Variants in PRMT9 observed in about 807,000 individuals in gnomAD.
PRMT9 encodes the protein protein arginine N-methyltransferase 9.
PRMT9 carries 59 observed loss-of-function variants against 83.2 expected under a neutral mutation model. The observed-to-expected ratio is 0.71, with a 90% CI of 0.57 to 0.88. The LOEUF (loss-of-function observed/expected upper bound fraction) is 0.88. PRMT9 is among the 40% of genes least tolerant of loss of function. The pLI is 0.00. For synonymous variants in PRMT9, 333 were observed against 353.2 expected (o/e 0.94, Z 0.64); for missense variants, 947 against 1,021.9 (o/e 0.93, Z 1.00).
chr4:147,658,659 A>G (rs531344773), intron 7 of PRMT9, among the ~76,000 whole-genome samples: 15 of 152,342 alleles, frequency 9.8e-5, no homozygotes, highest in Non-Finnish European at 1.5e-4. Flanking sequence ...GTTACTTGCT[A>G]TTGAAAGTCG....
At position 147,653,373 on chromosome 4, in the gene PRMT9, C is replaced by T. The variant is rs560939040; in HGVS notation, c.2045+479G>A. On this transcript the variant is annotated intron_variant, in intron 9 of 11. Transcript: ENST00000322396. The stretch of plus-strand genomic sequence containing the variant: ...AGGAGAATCGTTTGAACCCAGGAGG[C>T]GGAGGTTGCAGTGAGCCGAGATTGA... 1.7e-4 allele frequency among the ~76,000 whole-genome samples: 26 copies of T among 151,340 alleles called. No homozygotes were observed. The South Asian group carries it at 4.6e-3, about 27-fold the overall frequency.
At chr4:147,638,836 T>G (rs1436817323) in intron 11 of PRMT9, 89 bp from the exon 12 acceptor site, 1 of 1,361,438 alleles carries the variant, frequency 7.3e-7, no homozygotes, top group Non-Finnish European at 1.0e-6. Context: ...ATACAAAAAT[T>G]TAAAATACAT....
chr4:147,659,664 G>A (rs763633012), intron 7 of PRMT9, among the ~76,000 whole-genome samples: 5 of 137,610 alleles, frequency 3.6e-5, no homozygotes, highest in African/African-American at 1.1e-4. Context: ...TGCAAACTCC[G>A]CCTCCTGGGT....
Position 147,660,986 on chromosome 4 carries a change from G to T in PRMT9, c.1006C>A (p.Gln336Lys). ...GIHLPTNVKFQSPAYSSVDTE... is the reference protein window; with the variant it reads ...GIHLPTNVKFKSPAYSSVDTE... ...TCTACAGAAGAATAAGCCGGACTCT[G>T]AAATTTCACATTTGTTGGCAAATGG... The change falls in exon 7 of 12, where the codon CAG becomes AAG. Residue 336 changes from glutamine to lysine, a missense_variant. By Grantham distance (53) the Gln-to-Lys change is moderately conservative (BLOSUM62 1). Coordinates refer to ENST00000322396, the MANE Select transcript of PRMT9 (RefSeq NM_138364.4). 1 of 1,613,214 alleles carries T rather than the reference G, an allele frequency of 6.2e-7. No individual in the cohort carries two copies.
At chr4:147,638,856 T>C (rs1733186741) in intron 11 of PRMT9, 104 bp downstream of exon 11, 2 of 1,373,214 alleles carry the variant, frequency 1.5e-6, no homozygotes, top group South Asian at 2.5e-5. Context: ...TTTCACTAGA[T>C]TTAAATCTTT....
chr4:147,648,987 G>A (rs920502959), intron 9 of PRMT9, among the ~76,000 whole-genome samples: 10 of 152,026 alleles, frequency 6.6e-5, no homozygotes, highest in African/African-American at 2.4e-4. Context: ...CAACTGCTAG[G>A]CTCCTCAGAA....
intron 4 of PRMT9, among the ~76,000 whole-genome samples, chr4:147,670,966 G>C (rs1735687554): frequency 6.6e-6 from 1 of 151,982 alleles, no homozygotes; most frequent in African/African-American, 2.4e-5. Flanking sequence ...CCTTGGTTTG[G>C]AAGATGGAGG....
intron 9 of PRMT9, among the ~76,000 whole-genome samples, chr4:147,650,849 T>C (rs1315774194): frequency 6.6e-6 from 1 of 152,068 alleles, no homozygotes; most frequent in Non-Finnish European, 1.5e-5. Context: ...ATGCCTGTAA[T>C]CCCAGCACTT....
At chr4:147,666,315 C>T (rs1484482465) in intron 6 of PRMT9, among the ~76,000 whole-genome samples, 1 of 152,122 alleles carries the variant, frequency 6.6e-6, no homozygotes, top group East Asian at 1.9e-4. Flanking sequence ...TGTTCTGTGG[C>T]TTCTGGGCCC....
intron 1 of PRMT9, among the ~76,000 whole-genome samples, chr4:147,682,212 T>G (rs1281934581): frequency 6.6e-6 from 1 of 151,208 alleles, no homozygotes; most frequent in Non-Finnish European, 1.5e-5. Flanking sequence ...AGAGTTTCGC[T>G]CTTGTTGCCC....
chr4:147,676,700 T>C (rs927965856), intron 2 of PRMT9, among the ~76,000 whole-genome samples: 7 of 152,214 alleles, frequency 4.6e-5, no homozygotes, highest in Non-Finnish European at 8.8e-5. Context: ...TGAGACTAGC[T>C]AATAAAGTTT....
intron 6 of PRMT9, 67 bp downstream of exon 6, chr4:147,668,472 T>C: frequency 1.0e-6 from 1 of 967,546 alleles, no homozygotes. Context: ...TAAACCTCTT[T>C]CCTTTATAAA....
intron 7 of PRMT9, among the ~76,000 whole-genome samples, chr4:147,659,120 A>C (rs1734749487): frequency 6.6e-6 from 1 of 151,574 alleles, no homozygotes; most frequent in Non-Finnish European, 1.5e-5. Flanking sequence ...TGGAGCTTGC[A>C]GTGAGCCGAG....
chr4:147,640,368 C>T (rs1192151731), intron 10 of PRMT9, among the ~76,000 whole-genome samples: 2 of 151,766 alleles, frequency 1.3e-5, no homozygotes, highest in South Asian at 2.1e-4. Flanking sequence ...CCACCATGCC[C>T]GGCCCTCCTG....
At chr4:147,673,992 C>G in intron 2 of PRMT9, 118 bp from the exon 3 acceptor site, 1 of 804,228 alleles carries the variant, frequency 1.2e-6, no homozygotes, top group African/African-American at 1.7e-5. Context: ...CAAATCCTGC[C>G]AATCCAAGTG....
intron 5 of PRMT9, among the ~76,000 whole-genome samples, chr4:147,669,284 G>C (rs1317553460): frequency 1.3e-5 from 2 of 151,852 alleles, no homozygotes; most frequent in East Asian, 3.9e-4. Flanking sequence ...GCTGAGGTGG[G>C]AGGGCCACTT....
intron 2 of PRMT9, among the ~76,000 whole-genome samples, chr4:147,676,478 T>G (rs563589376): frequency 6.6e-6 from 1 of 152,282 alleles, no homozygotes; most frequent in South Asian, 2.1e-4. Flanking sequence ...TGGAAAGAGG[T>G]TGCTAATTTG....
chr4:147,673,602 A>C, intron 3 of PRMT9, 36 bp downstream of exon 3: 1 of 1,202,672 alleles, frequency 8.3e-7, no homozygotes, highest in Non-Finnish European at 1.2e-6. Context: ...ACATTAGAAT[A>C]CATGTATATA....
intron 10 of PRMT9, among the ~76,000 whole-genome samples, chr4:147,640,445 GT>G (rs1471569898): frequency 2.6e-5 from 4 of 151,926 alleles, no homozygotes; most frequent in African/African-American, 9.7e-5. Flanking sequence ...GTTCTCTAGA[GT>G]TCAGTTCCCA....
Sources: gnomAD v4.1 joint callset for allele counts (sites outside exome capture counted in the v4.1 genomes callset) on GRCh38, gnomAD v4.1.1 for gene constraint, MANE v1.5 for transcripts, NCBI Gene and HGNC (gene_info 2026-07-23, HGNC 2026-07-21) for gene names.